The following CLCF1 variants were observed in gnomAD, a reference collection of about 807,000 sequenced individuals.
CLCF1 encodes cardiotrophin like cytokine factor 1.
In CLCF1, 10 loss-of-function variants were observed where a neutral mutation model predicts 21.2. The observed-to-expected ratio is 0.47, with a 90% confidence interval of 0.29 to 0.80. The LOEUF (loss-of-function observed/expected upper bound fraction) is 0.80. Among genes scored for constraint, CLCF1 ranks in the 30% least tolerant of loss-of-function variants. CLCF1 has a pLI of 0.09. For missense variants in CLCF1, 240 were observed against 293.4 expected (o/e 0.82, Z 1.33); for synonymous variants, 115 against 120.5 (o/e 0.95, Z 0.30).
Position 67,372,948 on chromosome 11 carries a change from G to T in CLCF1, c.16+576C>A, listed in dbSNP as rs1436523409. On this transcript the variant is annotated intron_variant, in intron 1 of 2. Coordinates refer to ENST00000312438, the MANE Select transcript of CLCF1 (RefSeq NM_013246.3). This position sits in a 1 kb window ranked among gnomAD's most constrained non-coding sequence, Gnocchi z 5.9. ...GCTAGGAAGCCGCGAGTCCCGCGGCGCGGCTCGGCCCGTCCGGCCCGGCCC... is the reference window on the plus strand; with the variant it reads ...GCTAGGAAGCCGCGAGTCCCGCGGCTCGGCTCGGCCCGTCCGGCCCGGCCC... Among the ~76,000 whole-genome samples, 1 of 149,846 alleles carries T rather than the reference G, an allele frequency of 6.7e-6. No individual in the cohort carries two copies. Among genetic ancestry groups the T allele is most frequent in the Non-Finnish European group, 1.5e-5 (1 of 67,148 alleles).
At chr11:67,370,953 T>A (rs1862218611) in intron 1 of CLCF1, 58 of 985,284 alleles carry the variant, frequency 5.9e-5, no homozygotes, top group Non-Finnish European at 6.9e-5. Flanking sequence ...CAGGCTGGGC[T>A]GAATATGGGA....
In CLCF1 at chr11:67,365,705, C is replaced by T; in HGVS notation, c.184-75G>A. On this transcript the variant is annotated intron_variant, in intron 2 of 2. Coordinates refer to ENST00000312438, the MANE Select transcript of CLCF1 (RefSeq NM_013246.3). This position sits in a 1 kb window ranked among gnomAD's most constrained non-coding sequence, Gnocchi z 5.0. ...TCACCACCAAGGAGATACCTGCTCC[C>T]AAAGTTTCTATTTTTTGTGTCCCCT... The T allele has an allele frequency of 6.6e-7, 1 of 1,515,784 alleles. No homozygotes were observed. Among genetic ancestry groups the T allele is most frequent in the Non-Finnish European group, 8.8e-7 (1 of 1,133,122 alleles). 93.9% of individuals were successfully genotyped at this position (1,515,784 alleles called of 1,614,324 possible).
chr11:67,365,177 C>T lies in CLCF1; in HGVS notation c.637G>A (p.Ala213Thr). The change falls in exon 3 of 3, where the codon GCA becomes ACA. Residue 213 changes from alanine (A) to threonine (T), a missense_variant. Physicochemically the swap from Ala to Thr is moderately conservative, Grantham distance 58 (BLOSUM62 0). Transcript: ENST00000312438. This position sits in a 1 kb window ranked among gnomAD's most constrained non-coding sequence, Gnocchi z 5.0. ...CCCAGGTGCAGGGTGACTGCAGCTG[C>T]TGGAGGCTGCATCTTCTTCTTGAGC... ...NRLKKKMQPPAAAVTLHLGAH... is the reference protein window; with the variant it reads ...NRLKKKMQPPTAAVTLHLGAH... 1 of 1,614,024 alleles carries T rather than the reference C, an allele frequency of 6.2e-7. No individual in the cohort carries two copies. Among genetic ancestry groups the T allele is most frequent in the Non-Finnish European group, 8.5e-7 (1 of 1,180,032 alleles).
chr11:67,371,145 C>T (rs1487377035), intron 1 of CLCF1: 1 of 903,152 alleles, frequency 1.1e-6, no homozygotes, highest in Non-Finnish European at 1.3e-6. Flanking sequence ...TCCTGACCTA[C>T]CTTCCCAGGC....
chr11:67,365,159 G>A lies in CLCF1; in HGVS notation c.655C>T (p.His219Tyr), dbSNP rs139364696. The A allele has an allele frequency of 6.2e-6, 10 of 1,613,920 alleles. No homozygotes were observed. The African/African-American group carries it at 1.1e-4, about 17-fold the overall frequency. Reference sequence around the variant, plus strand: ...AGTCAGAAGCCATGAGCCCCCAGGTGCAGGGTGACTGCAGCTGCTGGAGGC... The same window carrying A: ...AGTCAGAAGCCATGAGCCCCCAGGTACAGGGTGACTGCAGCTGCTGGAGGC... ...MQPPAAAVTL[H>Y]LGAHGF The change falls in exon 3 of 3, where the codon CAC becomes TAC. Residue 219 changes from histidine (H) to tyrosine (Y), a missense_variant. By Grantham distance (83) the His-to-Tyr change is moderately conservative. Transcript: ENST00000312438. The surrounding 1 kb of genome is among the most constrained non-coding windows in gnomAD (Gnocchi z 5.0).
rs1209923763 is a variant in CLCF1, at chr11:67,370,490, C to T, written c.17-2864G>A. 6.1e-6 allele frequency: 6 copies of T among 984,866 alleles called. No individual in the cohort carries two copies. In the African/African-American group the frequency reaches 7.0e-5, roughly 12 times the overall value. 61.0% of individuals were successfully genotyped at this position (984,866 alleles called of 1,614,324 possible). On this transcript the variant is annotated intron_variant, in intron 1 of 2. Coordinates refer to ENST00000312438, the MANE Select transcript of CLCF1 (RefSeq NM_013246.3). ...CGTCTTCTCTGTGTGTTTATAAATC[C>T]GGCTGAGCACGTGAGGAGCTAACGA...
chr11:67,370,668 C>CA, intron 1 of CLCF1: 9 of 985,352 alleles, frequency 9.1e-6, no homozygotes, highest in Non-Finnish European at 1.1e-5. Flanking sequence ...ACTGGCCACC[C>CA]AGACAGCTGC....
Position 67,365,193 on chromosome 11 carries a change from C to T in CLCF1, c.621G>A (p.Lys207=). The part of the protein sequence containing the change: ...RSAKDFNRLK[K]KMQPPAAAVT... ...CTGCAGCTGCTGGAGGCTGCATCTT[C>T]TTCTTGAGCCGGTTGAAGTCCTTGG... Residue 207 remains lysine, a synonymous_variant, in exon 3 of 3, where the codon AAG becomes AAA. Coordinates refer to ENST00000312438, the MANE Select transcript of CLCF1 (RefSeq NM_013246.3). This position sits in a 1 kb window ranked among gnomAD's most constrained non-coding sequence, Gnocchi z 5.0. The T allele has an allele frequency of 6.2e-7, 1 of 1,614,066 alleles. No individual in the cohort carries two copies. The highest frequency in any genetic ancestry group is 1.1e-5 in the South Asian group (1 of 91,088).
In CLCF1 at chr11:67,373,545, T is replaced by G. The variant is rs754020360; in HGVS notation, c.-6A>C. 1.5e-4 allele frequency: 208 copies of G among 1,407,084 alleles called. No individual in the cohort carries two copies. In the African/African-American group the frequency reaches 3.0e-3, roughly 21 times the overall value. The allele number at this position is 1,407,084 out of a possible 1,614,324, so 87.2% of individuals were successfully genotyped here. A position where few individuals can be genotyped will look rare whatever the true frequency, so the allele number is the denominator to read the frequency against. On this transcript the variant is annotated 5_prime_UTR_variant, in exon 1 of 3. Coordinates refer to ENST00000312438, the MANE Select transcript of CLCF1 (RefSeq NM_013246.3). ...CTACCTGCTCGGAGGTCCATGGGGC[T>G]GGGGCCGGGCCGGCCGGGTGCGGCT... is the stretch of plus-strand genomic sequence containing the variant.
intron 1 of CLCF1, 46 bp from the exon 2 acceptor site, chr11:67,367,672 A>G: frequency 1.3e-6 from 2 of 1,523,854 alleles, no homozygotes; most frequent in Non-Finnish European, 1.8e-6. Context: ...CCGGGCCCAC[A>G]CGGGGAAGCA....
At chr11:67,373,467 G>A (rs1354366510) in intron 1 of CLCF1, 57 bp downstream of exon 1, 10 of 979,136 alleles carry the variant, frequency 1.0e-5, no homozygotes, top group African/African-American at 1.7e-5. Flanking sequence ...GACGGGAACC[G>A]GATCTCGTGG....
intron 1 of CLCF1, chr11:67,368,723 T>A: frequency 2.0e-6 from 2 of 985,168 alleles, no homozygotes; most frequent in Non-Finnish European, 2.4e-6. Flanking sequence ...GCGGTTGAGG[T>A]TTGAGTCCAG....
intron 1 of CLCF1, chr11:67,368,747 A>AGGTCTGGGCAGGCAGAGGGTGAGTTGGAG: frequency 3.8e-5 from 37 of 985,196 alleles, no homozygotes; most frequent in Non-Finnish European, 4.1e-5. Flanking sequence ...GGATGTGGTG[A>AGGTCTGGGCAGGCAGAGGGTGAGTTGGAG]GGTCTGGGCA....
Position 67,365,299 on chromosome 11 carries a change from C to A in CLCF1, c.515G>T (p.Gly172Val). ...LPGTEPTWTP[G>V]PAHSDFLQKM... The stretch of plus-strand genomic sequence containing the variant: ...CTGGAGGAAGTCACTGTGGGCAGGG[C>A]CAGGAGTCCAAGTGGGTTCAGTCCC... Residue 172 changes from glycine (G) to valine (V), a missense_variant, in exon 3 of 3, where the codon GGC (glycine) becomes GTC (valine). By Grantham distance (109) the Gly-to-Val change is moderately radical (BLOSUM62 -3). Transcript: ENST00000312438. The surrounding 1 kb of genome is among the most constrained non-coding windows in gnomAD (Gnocchi z 5.0). 3.1e-6 allele frequency: 5 copies of A among 1,613,858 alleles called. No homozygotes were observed. The highest frequency in any genetic ancestry group is 1.7e-4 in the Middle Eastern group (1 of 6,060).
At chr11:67,374,123 A>T, upstream of CLCF1, 4 of 985,572 alleles carry the variant, frequency 4.1e-6, no homozygotes, top group Non-Finnish European at 4.8e-6. Flanking sequence ...CTCCCCCTTG[A>T]GTAAATGCAA....
Position 67,365,492 on chromosome 11 carries a change from C to A in CLCF1, c.322G>T (p.Glu108Ter). 1 of 1,614,126 alleles carries A rather than the reference C, an allele frequency of 6.2e-7. No individual in the cohort carries two copies. The highest frequency in any genetic ancestry group is 8.5e-7 in the Non-Finnish European group (1 of 1,179,980). ...NDKLRLTQNYEAYSHLLCYLR... is the reference protein window; with the variant it reads ...NDKLRLTQNY ...TAACACAGAAGGTGGCTGTAGGCCT[C>A]GTAGTTCTGGGTCAGCCGCAGTTTG... Residue 108 changes from glutamate (E) to a stop codon, truncating the protein, a stop_gained, in exon 3 of 3, where the codon GAG (glutamate) becomes TAG (stop). Coordinates refer to ENST00000312438, the MANE Select transcript of CLCF1 (RefSeq NM_013246.3). LOFTEE classifies it high-confidence loss of function. This position sits in a 1 kb window ranked among gnomAD's most constrained non-coding sequence, Gnocchi z 5.0.
At position 67,364,845 on chromosome 11, in the gene CLCF1, G is replaced by C; in HGVS notation, c.*291C>G. 1 of 395,522 alleles carries C rather than the reference G, an allele frequency of 2.5e-6. No individual in the cohort carries two copies. The highest frequency in any genetic ancestry group is 4.6e-6 in the Non-Finnish European group (1 of 216,422). 24.5% of individuals were successfully genotyped at this position (395,522 alleles called of 1,614,324 possible). A position where few individuals can be genotyped will look rare whatever the true frequency, so the allele number is the denominator to read the frequency against. On this transcript the variant is annotated 3_prime_UTR_variant, in exon 3 of 3. Coordinates refer to ENST00000312438, the MANE Select transcript of CLCF1 (RefSeq NM_013246.3). The stretch of plus-strand genomic sequence containing the variant: ...CTGGCCAAGTGGTAGGCAAGAAGCA[G>C]GAGGCCATGAGCGCCTCTGCACCAA...
intron 1 of CLCF1, chr11:67,370,438 G>C: frequency 1.0e-6 from 1 of 983,678 alleles, no homozygotes; most frequent in African/African-American, 1.8e-5. Context: ...TCTGCCTCTG[G>C]CTGCTGCCCA....
Position 67,364,945 on chromosome 11 carries a change from C to T in CLCF1, c.*191G>A. On this transcript the variant is annotated 3_prime_UTR_variant, in exon 3 of 3. Transcript: ENST00000312438. The stretch of plus-strand genomic sequence containing the variant: ...CAGGACAGGGCCTACTGTACCTCCT[C>T]CCCAGCTCGGTAGACCTTTGGGAGG... 1 of 852,614 alleles carries T rather than the reference C, an allele frequency of 1.2e-6. No individual in the cohort carries two copies. 52.8% of individuals were successfully genotyped at this position (852,614 alleles called of 1,614,324 possible).
Sources: allele counts gnomAD v4.1 joint callset (sites outside exome capture counted in the v4.1 genomes callset), GRCh38; gene constraint gnomAD v4.1.1; non-coding constraint Gnocchi (gnomAD v3.1); transcripts MANE v1.5; gene names NCBI Gene and HGNC (gene_info 2026-07-23, HGNC 2026-07-21).